The following GNG4 variants were observed in gnomAD, a reference collection of about 807,000 sequenced individuals.
GNG4 encodes G protein subunit gamma 4, also known as guanine nucleotide-binding protein G(I)/G(S)/G(O) subunit gamma-4.
A neutral mutation model predicts 5.8 loss-of-function variants in GNG4; 4 were observed. That is an observed-to-expected ratio of 0.69 (90% CI 0.34 to 1.57). GNG4 has a LOEUF of 1.57. Among genes scored for constraint, GNG4 ranks in the 40% most tolerant of loss-of-function variants. The pLI is 0.06. For missense variants in GNG4, 96 were observed against 95.1 expected, an observed-to-expected ratio of 1.01 and a Z score of -0.04; for synonymous variants, 29 against 32.9, an observed-to-expected ratio of 0.88 and a Z score of 0.41.
In GNG4 at chr1:235,591,207, G is replaced by C. The variant is rs144123266; in HGVS notation, c.-11+4193C>G. Among the ~76,000 whole-genome samples, 452 of 152,232 alleles carry C rather than the reference G, an allele frequency of 3.0e-3. 2 individuals carry two copies. Among genetic ancestry groups the C allele is most frequent in the African/African-American group, 0.01 (421 of 41,552 alleles). On this transcript the variant is annotated intron_variant, in intron 2 of 3. Transcript: ENST00000391854. Reference sequence around the variant, plus strand: ...CAGGAGTGGAAGGAAGCACTGCTCCGCCACTGCTCCTGGCTCATTACCCAC... The same window carrying C: ...CAGGAGTGGAAGGAAGCACTGCTCCCCCACTGCTCCTGGCTCATTACCCAC...
At chr1:235,620,079 G>A (rs913638101) in intron 1 of GNG4, among the ~76,000 whole-genome samples, 2 of 152,160 alleles carry the variant, frequency 1.3e-5, no homozygotes, top group African/African-American at 4.8e-5. Context: ...AACTTTCGTT[G>A]GAGGTTGGGC....
Position 235,648,412 on chromosome 1 carries a change from C to T in GNG4, c.-123+1250G>A, listed in dbSNP as rs368885655. Among the ~76,000 whole-genome samples the T allele has an allele frequency of 8.5e-5, 13 of 152,336 alleles. No homozygotes were observed. The South Asian group carries it at 1.5e-3, about 17-fold the overall frequency. On this transcript the variant is annotated intron_variant, in intron 1 of 3. Coordinates refer to ENST00000391854, the MANE Select transcript of GNG4 (RefSeq NM_001098722.2). The surrounding 1 kb of genome is among the most constrained non-coding windows in gnomAD (Gnocchi z 5.0). ...TTTATAGGTCCTCTGTCTGTTTCTC[C>T]GGGCTGGAAAAGGCTTTCCATTTAT... is the stretch of plus-strand genomic sequence containing the variant.
chr1:235,552,330 T>C, intron 3 of GNG4, 93 bp from the exon 4 acceptor site: 1 of 1,145,212 alleles, frequency 8.7e-7, no homozygotes, highest in Non-Finnish European at 1.3e-6. Flanking sequence ...GGACAAGCCC[T>C]AGGGTAGGCT....
intron 1 of GNG4, among the ~76,000 whole-genome samples, chr1:235,624,222 C>T (rs1242600318): frequency 5.9e-5 from 9 of 152,024 alleles, no homozygotes; most frequent in African/African-American, 1.7e-4. Flanking sequence ...CCTGCCTCAG[C>T]CCCCCGAGTA....
intron 1 of GNG4, among the ~76,000 whole-genome samples, chr1:235,622,382 G>C (rs1474448455): frequency 6.6e-6 from 1 of 152,168 alleles, no homozygotes; most frequent in East Asian, 1.9e-4. Context: ...AGCATGTGTA[G>C]CTAAGGGGTG....
chr1:235,577,974 C>A (rs368112994), intron 3 of GNG4, among the ~76,000 whole-genome samples: 2 of 152,140 alleles, frequency 1.3e-5, no homozygotes. Flanking sequence ...ACGAGGTCAT[C>A]GGGAGTGTCC....
chr1:235,597,628 G>GTGTGTA (rs772061855), intron 1 of GNG4, among the ~76,000 whole-genome samples: 10,425 of 71,930 alleles, frequency 0.14, 874 homozygotes, highest in South Asian at 0.29. Flanking sequence ...GTGTGTGTGT[G>GTGTGTA]TATTTTTTTT....
intron 3 of GNG4, among the ~76,000 whole-genome samples, chr1:235,565,252 G>A (rs1338956332): frequency 6.6e-6 from 1 of 152,008 alleles, no homozygotes; most frequent in Middle Eastern, 3.2e-3. Flanking sequence ...TGTAATCCCA[G>A]CAATTTGGGA....
At chr1:235,561,574 T>A (rs1017118980) in intron 3 of GNG4, among the ~76,000 whole-genome samples, 1 of 152,038 alleles carries the variant, frequency 6.6e-6, no homozygotes, top group Non-Finnish European at 1.5e-5. Context: ...TTTGTATTTT[T>A]AGTAGAGATG....
At position 235,649,019 on chromosome 1, in the gene GNG4, A is replaced by G. The variant is rs1657587920; in HGVS notation, c.-123+643T>C. On this transcript the variant is annotated intron_variant, in intron 1 of 3. Transcript: ENST00000391854. This position sits in a 1 kb window ranked among gnomAD's most constrained non-coding sequence, Gnocchi z 5.7. ...CAATTTAAAAAATCAAGCCAAACAA[A>G]GCTCCCCGGTTGCTGCCGGGCGCGC... is the stretch of plus-strand genomic sequence containing the variant. Among the ~76,000 whole-genome samples the G allele has an allele frequency of 6.6e-6, 1 of 152,056 alleles. No individual in the cohort carries two copies. Among genetic ancestry groups the G allele is most frequent in the African/African-American group, 2.4e-5 (1 of 41,404 alleles).
chr1:235,633,382 C>T (rs1688972399), intron 1 of GNG4, among the ~76,000 whole-genome samples: 1 of 152,232 alleles, frequency 6.6e-6, no homozygotes, highest in Non-Finnish European at 1.5e-5. Context: ...AATGACAGAA[C>T]TTCTCATGTA....
chr1:235,588,223 T>C lies in GNG4; in HGVS notation c.-10-4375A>G, dbSNP rs1183715007. Among the ~76,000 whole-genome samples, 4 of 152,086 alleles carry C rather than the reference T, an allele frequency of 2.6e-5. No individual in the cohort carries two copies. In the East Asian group the frequency reaches 5.8e-4, roughly 22 times the overall value. On this transcript the variant is annotated intron_variant, in intron 2 of 3. Transcript: ENST00000391854. ...CACCAGCGCACTGTGCTTTCCTTGT[T>C]GTGCGCTGGAGATAAAATAAGCGGG...
chr1:235,621,041 C>G (rs1688700800), intron 1 of GNG4, among the ~76,000 whole-genome samples: 1 of 152,072 alleles, frequency 6.6e-6, no homozygotes, highest in African/African-American at 2.4e-5. Flanking sequence ...CACTGGCAGG[C>G]AGGCTGCCCC....
intron 3 of GNG4, among the ~76,000 whole-genome samples, chr1:235,569,204 T>C (rs1687274967): frequency 6.6e-6 from 1 of 152,134 alleles, no homozygotes; most frequent in Admixed American, 6.5e-5. Flanking sequence ...TTCAAGCACC[T>C]AACACATATT....
chr1:235,561,405 TC>T (rs1558474333), intron 3 of GNG4, among the ~76,000 whole-genome samples: 2,683 of 151,140 alleles, frequency 0.018, 69 homozygotes, highest in African/African-American at 0.062. Context: ...GCGCTCTCTC[TC>T]TCTATATATA....
At chr1:235,606,657 ACTGAGAAG>A (rs558141939) in intron 1 of GNG4, among the ~76,000 whole-genome samples, 89 of 152,286 alleles carry the variant, frequency 5.8e-4, no homozygotes, top group African/African-American at 2.0e-3. Flanking sequence ...CCTTTGGGAA[ACTGAGAAG>A]CACATGGCCA....
chr1:235,598,699 G>A (rs1396341218), intron 1 of GNG4, among the ~76,000 whole-genome samples: 1 of 151,500 alleles, frequency 6.6e-6, no homozygotes, highest in East Asian at 1.9e-4. Flanking sequence ...GGGGAGGACT[G>A]AGGCATCAGT....
At chr1:235,597,279 C>T (rs1369646832) in intron 1 of GNG4, among the ~76,000 whole-genome samples, 1 of 152,214 alleles carries the variant, frequency 6.6e-6, no homozygotes, top group Non-Finnish European at 1.5e-5. Flanking sequence ...CCTGTTTGCT[C>T]CCCTGGCTAA....
chr1:235,605,653 A>G (rs1041891897), intron 1 of GNG4, among the ~76,000 whole-genome samples: 2 of 152,154 alleles, frequency 1.3e-5, no homozygotes, highest in African/African-American at 2.4e-5. Flanking sequence ...AGGAAGATGA[A>G]TGGGACCCAC....
Sources: gnomAD v4.1 joint callset for allele counts (sites outside exome capture counted in the v4.1 genomes callset) on GRCh38, gnomAD v4.1.1 for gene constraint, Gnocchi (gnomAD v3.1) non-coding constraint, MANE v1.5 for transcripts, NCBI Gene and HGNC (gene_info 2026-07-23, HGNC 2026-07-21) for gene names.